LEPR: variants seen among roughly 807,000 people sequenced by gnomAD.
LEPR encodes leptin receptor.
A neutral mutation model predicts 114.7 loss-of-function variants in LEPR; 56 were observed. The observed-to-expected ratio is 0.49, with a 90% CI of 0.39 to 0.61. LEPR has a LOEUF of 0.61. Ranked by LOEUF, LEPR falls within the 20% of genes least tolerant of loss-of-function variation. LEPR has a pLI of 0.00. For missense variants in LEPR, 1,202 were observed against 1,352.9 expected, an observed-to-expected ratio of 0.89 and a Z score of 1.75; for synonymous variants, 443 against 461.4, an observed-to-expected ratio of 0.96 and a Z score of 0.51.
Position 65,452,836 on chromosome 1 carries a change from G to C in LEPR, c.-21+27458G>C, listed in dbSNP as rs1253047804. Among the ~76,000 whole-genome samples, 3 of 152,028 alleles carry C rather than the reference G, an allele frequency of 2.0e-5. No homozygotes were observed. In the East Asian group the frequency reaches 5.8e-4, roughly 29 times the overall value. Reference sequence around the variant, plus strand: ...ATTCCCTCTTTTTCTATTGATTGGAGTAGTTTCAGAAGGAATGGTACCAGT... The same window carrying C: ...ATTCCCTCTTTTTCTATTGATTGGACTAGTTTCAGAAGGAATGGTACCAGT... On this transcript the variant is annotated intron_variant, in intron 2 of 19. Coordinates refer to ENST00000349533, the MANE Select transcript of LEPR (RefSeq NM_002303.6).
chr1:65,475,011 A>G (rs910744127), intron 2 of LEPR, among the ~76,000 whole-genome samples: 3 of 146,596 alleles, frequency 2.0e-5, no homozygotes, highest in Non-Finnish European at 3.0e-5. Context: ...CATCTCAAAA[A>G]AAAAAAAAAA....
At chr1:65,455,892 C>A (rs930769963) in intron 2 of LEPR, among the ~76,000 whole-genome samples, 4 of 152,194 alleles carry the variant, frequency 2.6e-5, no homozygotes, top group African/African-American at 9.6e-5. Flanking sequence ...TTGCTGCCGC[C>A]TTGCAGTTTG....
chr1:65,446,183 T>C (rs527287403), intron 2 of LEPR, among the ~76,000 whole-genome samples: 1 of 152,334 alleles, frequency 6.6e-6, no homozygotes, highest in South Asian at 2.1e-4. Context: ...AAACTGGGAT[T>C]TTGTTTTCCA....
chr1:65,616,122 C>T lies in LEPR; in HGVS notation c.2110C>T (p.Leu704=). 6.2e-7 allele frequency: 1 copy of T among 1,614,162 alleles called. No homozygotes were observed. Among genetic ancestry groups the T allele is most frequent in the Non-Finnish European group, 8.5e-7 (1 of 1,180,018 alleles). Residue 704 remains leucine (L), a synonymous_variant, in exon 15 of 20, where the codon CTG becomes TTG. Coordinates refer to ENST00000349533, the MANE Select transcript of LEPR (RefSeq NM_002303.6). ...DVGNHTKFTF[L]WTEQAHTVTV... is the part of the protein sequence containing the mutation. Reference sequence around the variant, plus strand: ...GGGAAATCACACGAAATTCACTTTCCTGTGGACAGAGCAAGCACATACTGT... The same window carrying T: ...GGGAAATCACACGAAATTCACTTTCTTGTGGACAGAGCAAGCACATACTGT...
At position 65,620,270 on chromosome 1, in the gene LEPR, C is replaced by T. The variant is rs1007106738; in HGVS notation, c.2491+247C>T. Among the ~76,000 whole-genome samples, 4 of 152,084 alleles carry T rather than the reference C, an allele frequency of 2.6e-5. No homozygotes were observed. In the South Asian group the frequency reaches 6.2e-4, roughly 24 times the overall value. On this transcript the variant is annotated intron_variant, in intron 17 of 19. Coordinates refer to ENST00000349533, the MANE Select transcript of LEPR (RefSeq NM_002303.6). ...CATCTTACTGTACTTGGAATACCAA[C>T]ATTTTGATTTTGTTATTACTTTTTA...
At chr1:65,557,880 T>A (rs1168849991) in intron 2 of LEPR, among the ~76,000 whole-genome samples, 1 of 152,212 alleles carries the variant, frequency 6.6e-6, no homozygotes, top group East Asian at 1.9e-4. Flanking sequence ...TGTTTCTCTG[T>A]TATTTAAGAA....
At chr1:65,453,374 G>A (rs1646816855) in intron 2 of LEPR, among the ~76,000 whole-genome samples, 1 of 151,776 alleles carries the variant, frequency 6.6e-6, no homozygotes, top group Non-Finnish European at 1.5e-5. Flanking sequence ...GTGATGTTAG[G>A]GTGTCAATTT....
At chr1:65,448,190 T>G (rs1042898544) in intron 2 of LEPR, among the ~76,000 whole-genome samples, 1 of 152,222 alleles carries the variant, frequency 6.6e-6, no homozygotes, top group Non-Finnish European at 1.5e-5. Context: ...TTGAGGAAGA[T>G]CCACTCCATT....
intron 2 of LEPR, among the ~76,000 whole-genome samples, chr1:65,457,540 A>T (rs1646893081): frequency 6.6e-6 from 1 of 152,196 alleles, no homozygotes; most frequent in Admixed American, 6.6e-5. Flanking sequence ...TTGTTTATAT[A>T]GATGTATGGG....
At chr1:65,438,760 G>T (rs1256055905) in intron 2 of LEPR, among the ~76,000 whole-genome samples, 1 of 151,744 alleles carries the variant, frequency 6.6e-6, no homozygotes, top group East Asian at 1.9e-4. Context: ...TTATCCTCAT[G>T]CAGGTTGGAA....
At chr1:65,608,376 G>A (rs1048226234) in intron 11 of LEPR, among the ~76,000 whole-genome samples, 21 of 151,978 alleles carry the variant, frequency 1.4e-4, no homozygotes, top group African/African-American at 5.1e-4. Context: ...GACTACAGGC[G>A]CCCGCCACCA....
intron 1 of LEPR, among the ~76,000 whole-genome samples, chr1:65,423,167 A>C (rs1286003056): frequency 6.6e-6 from 1 of 152,184 alleles, no homozygotes; most frequent in Non-Finnish European, 1.5e-5. Context: ...AGAGAAGTCC[A>C]GACTGGAGGT....
At chr1:65,623,081 A>G in intron 19 of LEPR, 100 bp downstream of exon 19, 1 of 1,139,802 alleles carries the variant, frequency 8.8e-7, no homozygotes, top group Non-Finnish European at 1.3e-6. Flanking sequence ...TTAAAAGGTC[A>G]TATTTTATTC....
intron 2 of LEPR, among the ~76,000 whole-genome samples, chr1:65,523,886 G>T (rs1649770165): frequency 6.6e-6 from 1 of 152,152 alleles, no homozygotes; most frequent in South Asian, 2.1e-4. Context: ...TGAATTATCT[G>T]GTTGGTCCCT....
chr1:65,421,199 G>C, intron 1 of LEPR: 1 of 927,182 alleles, frequency 1.1e-6, no homozygotes. Context: ...TTTCCAACTG[G>C]GCAGAGTTGA....
At chr1:65,520,876 C>T (rs1182028352) in intron 2 of LEPR, among the ~76,000 whole-genome samples, 2 of 152,254 alleles carry the variant, frequency 1.3e-5, no homozygotes, top group Non-Finnish European at 2.9e-5. Context: ...ACAGATCGCT[C>T]ATGCTATTGC....
At chr1:65,615,194 G>A (rs1657453345) in intron 14 of LEPR, among the ~76,000 whole-genome samples, 2 of 152,050 alleles carry the variant, frequency 1.3e-5, no homozygotes, top group African/African-American at 2.4e-5. Context: ...GCATCTCACC[G>A]GCAAGAAATT....
At chr1:65,482,402 G>A (rs1394412419) in intron 2 of LEPR, among the ~76,000 whole-genome samples, 1 of 152,122 alleles carries the variant, frequency 6.6e-6, no homozygotes, top group African/African-American at 2.4e-5. Flanking sequence ...TTATATAGAT[G>A]ACTTGAGGGT....
At chr1:65,458,126 A>T (rs908581386) in intron 2 of LEPR, among the ~76,000 whole-genome samples, 6 of 152,246 alleles carry the variant, frequency 3.9e-5, no homozygotes, top group Non-Finnish European at 5.9e-5. Context: ...TCAAATTTAG[A>T]TGAAAACATT....
Sources: allele counts gnomAD v4.1 joint callset (sites outside exome capture counted in the v4.1 genomes callset), GRCh38; gene constraint gnomAD v4.1.1; transcripts MANE v1.5; gene names NCBI Gene and HGNC (gene_info 2026-07-23, HGNC 2026-07-21).